The following PDZRN3 variants were observed in gnomAD, a reference collection of about 807,000 sequenced individuals.
The protein encoded by PDZRN3 is E3 ubiquitin-protein ligase PDZRN3.
A neutral mutation model predicts 85.7 loss-of-function variants in PDZRN3; 38 were observed. The observed-to-expected ratio is 0.44, with a 90% confidence interval of 0.34 to 0.58. The LOEUF (loss-of-function observed/expected upper bound fraction) is 0.58, where lower values mean the gene tolerates loss of function less well. Ranked by LOEUF, PDZRN3 falls within the 20% of genes least tolerant of loss-of-function variation. The pLI is 0.01. For missense variants in PDZRN3, 1,629 were observed against 1,506.4 expected (o/e 1.08, Z -1.35); for synonymous variants, 759 against 638.0 (o/e 1.19, Z -2.86).
chr3:73,624,829 G>T lies in PDZRN3; in HGVS notation c.-4C>A. 7.7e-7 allele frequency: 1 copy of T among 1,305,954 alleles called. No individual in the cohort carries two copies. Among genetic ancestry groups the T allele is most frequent in the Non-Finnish European group, 9.7e-7 (1 of 1,029,902 alleles). The allele number at this position is 1,305,954 out of a possible 1,614,324, so 80.9% of individuals were successfully genotyped here. On this transcript the variant is annotated 5_prime_UTR_variant, in exon 1 of 10. Transcript: ENST00000263666. Reference sequence around the variant, plus strand: ...AGCGGTCCAGCTCGAAGCCCATGGTGGCGGCCAGGCCCCGGGGTCGCCGCC... The same window carrying T: ...AGCGGTCCAGCTCGAAGCCCATGGTTGCGGCCAGGCCCCGGGGTCGCCGCC...
Position 73,384,685 on chromosome 3 carries a change from C to T in PDZRN3, c.1881G>A (p.Ser627=). 6.2e-7 allele frequency: 1 copy of T among 1,614,048 alleles called. No individual in the cohort carries two copies. Among genetic ancestry groups the T allele is most frequent in the Non-Finnish European group, 8.5e-7 (1 of 1,180,038 alleles). The change falls in exon 10 of 10, where the codon TCG becomes TCA. Residue 627 remains serine (S), a synonymous_variant. Coordinates refer to ENST00000263666, the MANE Select transcript of PDZRN3 (RefSeq NM_015009.3). ...GGTAGTCGGCGTCCGTGCAGTCGGCCGAAATGAAAGACTCGTTGCTGAAGG... is the reference window on the plus strand; with the variant it reads ...GGTAGTCGGCGTCCGTGCAGTCGGCTGAAATGAAAGACTCGTTGCTGAAGG... ...DLPFSNESFI[S]ADCTDADYLG...
chr3:73,456,311 CTTG>C (rs1056497818), intron 3 of PDZRN3, among the ~76,000 whole-genome samples: 1 of 152,140 alleles, frequency 6.6e-6, no homozygotes, highest in Non-Finnish European at 1.5e-5. Flanking sequence ...TTGGCAAATA[CTTG>C]TTGTATCTGA....
intron 5 of PDZRN3, among the ~76,000 whole-genome samples, chr3:73,399,361 G>A (rs533068714): frequency 6.6e-6 from 1 of 152,308 alleles, no homozygotes; most frequent in Non-Finnish European, 1.5e-5. Context: ...ACTGTAGACT[G>A]AGGAAATATA....
chr3:73,406,124 T>C (rs1172187223), intron 3 of PDZRN3, among the ~76,000 whole-genome samples: 1 of 152,198 alleles, frequency 6.6e-6, no homozygotes, highest in Non-Finnish European at 1.5e-5. Context: ...ACAAAATGAC[T>C]TGAGTGCACC....
rs552339098 is a variant in PDZRN3, at chr3:73,407,885, C to T, written c.919-3490G>A. On this transcript the variant is annotated intron_variant, in intron 3 of 9. Transcript: ENST00000263666. ...CTGTCCAGCTTTGGGTACTGTTACA[C>T]GGCATTGATACAACAGCATCCATAC... is the stretch of plus-strand genomic sequence containing the variant. 3.9e-5 allele frequency among the ~76,000 whole-genome samples: 6 copies of T among 152,254 alleles called. No individual in the cohort carries two copies. The South Asian group carries it at 1.0e-3, about 26-fold the overall frequency.
chr3:73,466,108 G>C (rs961537091), intron 3 of PDZRN3, among the ~76,000 whole-genome samples: 1 of 152,178 alleles, frequency 6.6e-6, no homozygotes, highest in African/African-American at 2.4e-5. Flanking sequence ...CCTGATGTCT[G>C]GGAATATAAC....
chr3:73,535,704 C>T (rs1054065370), intron 3 of PDZRN3, among the ~76,000 whole-genome samples: 13 of 152,164 alleles, frequency 8.5e-5, no homozygotes, highest in Non-Finnish European at 1.5e-4. Context: ...AGTAATTGCA[C>T]GCTTATAACC....
intron 5 of PDZRN3, among the ~76,000 whole-genome samples, chr3:73,392,727 C>G (rs955225270): frequency 9.9e-5 from 15 of 152,084 alleles, no homozygotes; most frequent in Non-Finnish European, 1.9e-4. Context: ...TTTCTGAACA[C>G]CAATATGTTA....
chr3:73,410,680 C>T (rs1050548396), intron 3 of PDZRN3, among the ~76,000 whole-genome samples: 1 of 152,230 alleles, frequency 6.6e-6, no homozygotes, highest in African/African-American at 2.4e-5. Context: ...TAGAATACAT[C>T]TGGCTACCAG....
intron 3 of PDZRN3, among the ~76,000 whole-genome samples, chr3:73,472,285 T>G (rs191287291): frequency 6.6e-6 from 1 of 152,228 alleles, no homozygotes; most frequent in Non-Finnish European, 1.5e-5. Context: ...CAGGGCTAAA[T>G]AGCCTGAGGC....
chr3:73,607,381 C>G (rs1406146003), intron 2 of PDZRN3, among the ~76,000 whole-genome samples: 1 of 152,118 alleles, frequency 6.6e-6, no homozygotes, highest in Admixed American at 6.5e-5. Context: ...ACCTTCTGAA[C>G]TCAGCTCCAA....
intron 3 of PDZRN3, among the ~76,000 whole-genome samples, chr3:73,411,675 G>T (rs1311589693): frequency 6.6e-6 from 1 of 152,184 alleles, no homozygotes; most frequent in African/African-American, 2.4e-5. Flanking sequence ...AGAAGGGGCT[G>T]CTGGGTGACT....
At chr3:73,521,339 A>T (rs1185672797) in intron 3 of PDZRN3, among the ~76,000 whole-genome samples, 3 of 152,106 alleles carry the variant, frequency 2.0e-5, no homozygotes, top group Non-Finnish European at 4.4e-5. Flanking sequence ...CAGCTGAGGA[A>T]AGCTTTGCCA....
At chr3:73,395,923 G>A (rs771397526) in intron 5 of PDZRN3, among the ~76,000 whole-genome samples, 21 of 152,202 alleles carry the variant, frequency 1.4e-4, no homozygotes, top group Non-Finnish European at 2.9e-4. Context: ...GGGGAAGAAA[G>A]ACAAGAAGTA....
intron 3 of PDZRN3, among the ~76,000 whole-genome samples, chr3:73,491,928 G>A (rs534752624): frequency 6.6e-6 from 1 of 152,092 alleles, no homozygotes; most frequent in African/African-American, 2.4e-5. Context: ...CAGAGGTGCA[G>A]GGTTCACACG....
chr3:73,553,427 T>C (rs1313589913), intron 3 of PDZRN3, among the ~76,000 whole-genome samples: 1 of 151,830 alleles, frequency 6.6e-6, no homozygotes, highest in Non-Finnish European at 1.5e-5. Context: ...ATACAAAAAA[T>C]TAGCCGGGCG....
chr3:73,395,648 C>T (rs1338458860), intron 5 of PDZRN3, among the ~76,000 whole-genome samples: 1 of 152,334 alleles, frequency 6.6e-6, no homozygotes, highest in Non-Finnish European at 1.5e-5. Context: ...CTTCAACTTA[C>T]TGGTCCAGGT....
chr3:73,475,923 G>C (rs6784863), intron 3 of PDZRN3, among the ~76,000 whole-genome samples: 1 of 152,096 alleles, frequency 6.6e-6, no homozygotes, highest in Non-Finnish European at 1.5e-5. Context: ...GCACCTACCC[G>C]CAAAATGTAC....
At chr3:73,612,420 A>G (rs1379126926) in intron 1 of PDZRN3, among the ~76,000 whole-genome samples, 1 of 152,200 alleles carries the variant, frequency 6.6e-6, no homozygotes, top group Non-Finnish European at 1.5e-5. Flanking sequence ...CAATTAATTC[A>G]TCTGGCAATT....
Sources: allele counts gnomAD v4.1 joint callset (sites outside exome capture counted in the v4.1 genomes callset), GRCh38; gene constraint gnomAD v4.1.1; transcripts MANE v1.5; gene names NCBI Gene and HGNC (gene_info 2026-07-23, HGNC 2026-07-21).